RAB3IP: variants seen among roughly 807,000 people sequenced by gnomAD.
RAB3IP encodes the protein RAB3A interacting protein, also known as rab-3A-interacting protein.
A neutral mutation model predicts 59.1 loss-of-function variants in RAB3IP; 36 were observed. The ratio of observed to expected loss-of-function variants is 0.61; its 90% CI spans 0.47 to 0.80. The LOEUF is 0.80. Ranked by LOEUF, RAB3IP falls within the 30% of genes least tolerant of loss-of-function variation. The pLI is 0.00. For missense variants in RAB3IP, 511 were observed against 536.0 expected, an observed-to-expected ratio of 0.95 and a Z score of 0.46; for synonymous variants, 207 against 191.2, an observed-to-expected ratio of 1.08 and a Z score of -0.68.
chr12:69,760,829 G>A (rs1871196690), intron 3 of RAB3IP, among the ~76,000 whole-genome samples: 1 of 152,106 alleles, frequency 6.6e-6, no homozygotes, highest in Admixed American at 6.5e-5. Flanking sequence ...GCTTATGAGA[G>A]TCCTCTCTCA....
In RAB3IP at chr12:69,751,560, T is replaced by A. The variant is rs113068058; in HGVS notation, c.-25-3824T>A. 4.1e-4 allele frequency among the ~76,000 whole-genome samples: 62 copies of A among 152,324 alleles called. 1 individual carries two copies. The highest frequency in any genetic ancestry group is 1.4e-3 in the African/African-American group (60 of 41,570). ...GATTTAAATTCTTTGATTTTATATTTGTAGTTTTTCTAATATGCTGAAAAT... is the reference window on the plus strand; with the variant it reads ...GATTTAAATTCTTTGATTTTATATTAGTAGTTTTTCTAATATGCTGAAAAT... On this transcript the variant is annotated intron_variant, in intron 1 of 10. Coordinates refer to ENST00000247833, the MANE Select transcript of RAB3IP (RefSeq NM_022456.5).
At chr12:69,813,780 A>AT (rs1880798732) in intron 10 of RAB3IP, among the ~76,000 whole-genome samples, 1 of 151,860 alleles carries the variant, frequency 6.6e-6, no homozygotes, top group South Asian at 2.1e-4. Context: ...CCCTGTTTAT[A>AT]TTTTTTAGGC....
At chr12:69,771,102 G>A (rs555591628) in intron 3 of RAB3IP, among the ~76,000 whole-genome samples, 6 of 152,188 alleles carry the variant, frequency 3.9e-5, no homozygotes, top group South Asian at 2.1e-4. Context: ...GTGAGATCAT[G>A]CAATATTTGT....
rs1474869772 is a variant in RAB3IP at position 69,815,741 on chromosome 12, T to G, written c.*295T>G. ...TTAGATTGAATGTGTGTACATTTTC[T>G]CTTCTAGCTCTGACATGGCATTTAG... On this transcript the variant is annotated 3_prime_UTR_variant, in exon 11 of 11. Coordinates refer to ENST00000247833, the MANE Select transcript of RAB3IP (RefSeq NM_022456.5). 5 of 201,516 alleles carry G rather than the reference T, an allele frequency of 2.5e-5. No individual in the cohort carries two copies. Among genetic ancestry groups the G allele is most frequent in the Non-Finnish European group, 5.0e-5 (5 of 100,026 alleles). The allele number at this position is 201,516 out of a possible 1,614,324, so 12.5% of individuals were successfully genotyped here.
intron 4 of RAB3IP, among the ~76,000 whole-genome samples, chr12:69,786,569 G>A (rs1372530462): frequency 6.6e-6 from 1 of 152,018 alleles, no homozygotes; most frequent in Admixed American, 6.6e-5. Flanking sequence ...TGTCTGACTG[G>A]AAGAAAATTT....
At chr12:69,745,465 A>G (rs1401596876) in intron 1 of RAB3IP, among the ~76,000 whole-genome samples, 1 of 151,972 alleles carries the variant, frequency 6.6e-6, no homozygotes, top group Non-Finnish European at 1.5e-5. Context: ...GGAGCTGAAT[A>G]AGTATTAAAT....
intron 1 of RAB3IP, among the ~76,000 whole-genome samples, chr12:69,748,903 A>C (rs1363557809): frequency 6.6e-6 from 1 of 152,200 alleles, no homozygotes; most frequent in South Asian, 2.1e-4. Flanking sequence ...GCTAAATTAC[A>C]TTTTATGGAA....
At chr12:69,764,206 AGGATTCTTATGGCTTAT>A (rs1379378256) in intron 3 of RAB3IP, among the ~76,000 whole-genome samples, 24 of 152,006 alleles carry the variant, frequency 1.6e-4, no homozygotes, top group African/African-American at 3.4e-4. Context: ...GTTTTTTTCT[AGGATTCTTATGGCTTAT>A]GGATTCTTAT....
chr12:69,741,058 C>T (rs1424103262), intron 1 of RAB3IP, among the ~76,000 whole-genome samples: 1 of 152,156 alleles, frequency 6.6e-6, no homozygotes, highest in Non-Finnish European at 1.5e-5. Flanking sequence ...TGCTAATATT[C>T]TGCTGTTTTT....
At chr12:69,805,982 G>A (rs1256494893) in intron 8 of RAB3IP, among the ~76,000 whole-genome samples, 1 of 152,138 alleles carries the variant, frequency 6.6e-6, no homozygotes. Flanking sequence ...TCTCTGCCCG[G>A]CTTTGGTATC....
intron 3 of RAB3IP, among the ~76,000 whole-genome samples, chr12:69,756,926 G>A (rs987404959): frequency 1.3e-5 from 2 of 152,152 alleles, no homozygotes; most frequent in Non-Finnish European, 2.9e-5. Context: ...TCCCTGTCTC[G>A]TATTATCTGT....
intron 3 of RAB3IP, among the ~76,000 whole-genome samples, chr12:69,782,225 C>CGCGATCTCGGCTCACT (rs926530545): frequency 2.0e-5 from 3 of 152,116 alleles, no homozygotes; most frequent in Admixed American, 6.5e-5. Flanking sequence ...AGTGCAGTGG[C>CGCGATCTCGGCTCACT]GCGATCTCGG....
chr12:69,814,392 C>T lies in RAB3IP; in HGVS notation c.1301-972C>T, dbSNP rs377413684. 2.3e-4 allele frequency among the ~76,000 whole-genome samples: 35 copies of T among 152,074 alleles called. No homozygotes were observed. In the South Asian group the frequency reaches 6.4e-3, roughly 28 times the overall value. On this transcript the variant is annotated intron_variant, in intron 10 of 10. Transcript: ENST00000247833. ...ATTTAGTATGTGTGTTTGTTGTAAACAGGTATTAGTCTTAAAATCTGTTTA... is the reference window on the plus strand; with the variant it reads ...ATTTAGTATGTGTGTTTGTTGTAAATAGGTATTAGTCTTAAAATCTGTTTA...
rs1194568971 is a variant in RAB3IP at position 69,816,462 on chromosome 12, T to A, written c.*1016T>A. ...CATATTTTTGAAACAAAAAGTAGGC[T>A]TTTTTTTTGCTTTTTAAACCTAAAC... On this transcript the variant is annotated 3_prime_UTR_variant, in exon 11 of 11. Coordinates refer to ENST00000247833, the MANE Select transcript of RAB3IP (RefSeq NM_022456.5). 2 of 139,050 alleles carry A rather than the reference T, an allele frequency of 1.4e-5. No homozygotes were observed. Among genetic ancestry groups the A allele is most frequent in the Non-Finnish European group, 3.1e-5 (2 of 64,094 alleles). The allele number at this position is 139,050 out of a possible 1,614,324, so 8.6% of individuals were successfully genotyped here. A position where few individuals can be genotyped will look rare whatever the true frequency, so the allele number is the denominator to read the frequency against.
At chr12:69,769,941 A>G (rs896102605) in intron 3 of RAB3IP, among the ~76,000 whole-genome samples, 2 of 152,216 alleles carry the variant, frequency 1.3e-5, no homozygotes, top group African/African-American at 4.8e-5. Context: ...TAATTGAATT[A>G]TGTGAGTTGG....
rs780074249 is a variant in RAB3IP at position 69,820,423 on chromosome 12, C to T, written c.*4977C>T. On this transcript the variant is annotated 3_prime_UTR_variant, in exon 11 of 11. Coordinates refer to ENST00000247833, the MANE Select transcript of RAB3IP (RefSeq NM_022456.5). ...TTCACCTGAACTCCTGCACTAATGTCTGCTGTCCTTGCATCCACTCCTGCC... is the reference window on the plus strand; with the variant it reads ...TTCACCTGAACTCCTGCACTAATGTTTGCTGTCCTTGCATCCACTCCTGCC... The T allele has an allele frequency of 2.0e-5, 3 of 152,236 alleles. No individual in the cohort carries two copies. The highest frequency in any genetic ancestry group is 4.4e-5 in the Non-Finnish European group (3 of 68,106). The allele number at this position is 152,236 out of a possible 1,614,324, so 9.4% of individuals were successfully genotyped here. A position where few individuals can be genotyped will look rare whatever the true frequency, so the allele number is the denominator to read the frequency against.
chr12:69,758,537 G>C (rs1039598788), intron 3 of RAB3IP, among the ~76,000 whole-genome samples: 8 of 151,902 alleles, frequency 5.3e-5, no homozygotes, highest in Non-Finnish European at 7.4e-5. Context: ...TTTACATCTG[G>C]TGTACAAACC....
Position 69,817,978 on chromosome 12 carries a change from G to A in RAB3IP, c.*2532G>A, listed in dbSNP as rs926226415. On this transcript the variant is annotated 3_prime_UTR_variant, in exon 11 of 11. Transcript: ENST00000247833. ...GCATGTGGGCCAATAAACATTAAGA[G>A]GTTTTCATCTCTCAATCAGGAAAAC... 2 of 152,116 alleles carry A rather than the reference G, an allele frequency of 1.3e-5. No homozygotes were observed. Among genetic ancestry groups the A allele is most frequent in the African/African-American group, 2.4e-5 (1 of 41,406 alleles). The allele number at this position is 152,116 out of a possible 1,614,324, so 9.4% of individuals were successfully genotyped here.
At chr12:69,801,197 A>G (rs1419736240) in intron 7 of RAB3IP, among the ~76,000 whole-genome samples, 1 of 152,230 alleles carries the variant, frequency 6.6e-6, no homozygotes, top group Non-Finnish European at 1.5e-5. Context: ...ATAAATACAA[A>G]TTCAGAAAAT....
Sources: allele counts gnomAD v4.1 joint callset (sites outside exome capture counted in the v4.1 genomes callset), GRCh38; gene constraint gnomAD v4.1.1; transcripts MANE v1.5; gene names NCBI Gene and HGNC (gene_info 2026-07-23, HGNC 2026-07-21).